Variants in BACH2 observed in about 807,000 individuals in gnomAD.
BACH2 encodes the protein transcription regulator protein BACH2.
Under a neutral mutation model 61.8 loss-of-function variants are expected in BACH2, and 5 were observed. That is an observed-to-expected ratio of 0.08 (90% CI 0.04 to 0.17). The LOEUF (loss-of-function observed/expected upper bound fraction) is 0.17, where lower values mean the gene tolerates loss of function less well. Ranked by LOEUF, BACH2 falls within the 10% of genes least tolerant of loss-of-function variation. The probability of loss-of-function intolerance (pLI) is 1.00; values close to 1 mark genes in which losing one functional copy is unlikely to be tolerated. For missense variants in BACH2, 824 were observed against 1,091.1 expected (o/e 0.76, Z 3.45); for synonymous variants, 446 against 440.1 (o/e 1.01, Z -0.17).
chr6:90,020,507 G>A (rs1258554376), intron 5 of BACH2, among the ~76,000 whole-genome samples: 2 of 152,022 alleles, frequency 1.3e-5, no homozygotes, highest in Non-Finnish European at 2.9e-5. Context: ...GGATTCTGCA[G>A]ACAGTCCTCA....
rs369419131 is a variant in BACH2 at position 89,974,866 on chromosome 6, T to C, written c.244-23004A>G. On this transcript the variant is annotated intron_variant, in intron 6 of 8. Transcript: ENST00000257749. ...ATCATTTTCAAAAAGTAGACACGTATGTATCTTCATGGTAGCTTTTAAAGC... is the reference window on the plus strand; with the variant it reads ...ATCATTTTCAAAAAGTAGACACGTACGTATCTTCATGGTAGCTTTTAAAGC... Among the ~76,000 whole-genome samples the C allele has an allele frequency of 1.1e-4, 16 of 152,324 alleles. 2 individuals are homozygous for C. The highest frequency in any genetic ancestry group is 6.5e-4 in the Admixed American group (10 of 15,300).
chr6:90,062,391 T>C (rs1275834927), intron 5 of BACH2, among the ~76,000 whole-genome samples: 1 of 150,922 alleles, frequency 6.6e-6, no homozygotes, highest in Non-Finnish European at 1.5e-5. Flanking sequence ...TAAAAGTAGG[T>C]GATTAACTCA....
chr6:89,968,209 G>GGA (rs958575050), intron 6 of BACH2, among the ~76,000 whole-genome samples: 5 of 152,360 alleles, frequency 3.3e-5, no homozygotes, highest in African/African-American at 1.2e-4. Flanking sequence ...CCCTGGCAAA[G>GGA]GAGGTGGCAA....
rs182809094 is a variant in BACH2 at position 90,233,924 on chromosome 6, A to G, written c.-275+18589T>C. On this transcript the variant is annotated intron_variant, in intron 3 of 8. Transcript: ENST00000257749. ...TAGCCTTGGGATAGAATTATCCCTC[A>G]CTTCACCCTCACTGTCGGCATGTTC... is the stretch of plus-strand genomic sequence containing the variant. Among the ~76,000 whole-genome samples, 9 of 152,294 alleles carry G rather than the reference A, an allele frequency of 5.9e-5. No individual in the cohort carries two copies. The East Asian group carries it at 1.7e-3, about 29-fold the overall frequency.
intron 4 of BACH2, among the ~76,000 whole-genome samples, chr6:90,151,072 A>G: frequency 6.6e-6 from 1 of 152,194 alleles, no homozygotes; most frequent in Non-Finnish European, 1.5e-5. Flanking sequence ...ACTCTATGGC[A>G]ACAGATGCAT....
chr6:90,072,289 T>C lies in BACH2; in HGVS notation c.-13+16672A>G, dbSNP rs552550186. 2.0e-4 allele frequency among the ~76,000 whole-genome samples: 31 copies of C among 152,272 alleles called. No individual in the cohort carries two copies. In the South Asian group the frequency reaches 6.0e-3, roughly 30 times the overall value. ...CCTCTACTTGAGTGAACTGTTTGAT[T>C]AGGTTAGAAAAGCAAATGGTACCCT... On this transcript the variant is annotated intron_variant, in intron 5 of 8. Transcript: ENST00000257749.
chr6:90,254,404 T>A (rs75853087), intron 2 of BACH2, among the ~76,000 whole-genome samples: 8,133 of 152,102 alleles, frequency 0.053, 416 homozygotes, highest in Non-Finnish European at 0.079. Flanking sequence ...GCTGATTGAT[T>A]GGTTGCTCTA....
At chr6:90,007,405 G>T (rs1054752809) in intron 6 of BACH2, among the ~76,000 whole-genome samples, 1 of 151,852 alleles carries the variant, frequency 6.6e-6, no homozygotes, top group African/African-American at 2.4e-5. Flanking sequence ...GGGCTCAAGG[G>T]ATCCTCCTGT....
chr6:90,222,010 T>C lies in BACH2; in HGVS notation c.-274-15329A>G, dbSNP rs1185488263. 2.0e-5 allele frequency among the ~76,000 whole-genome samples: 3 copies of C among 152,268 alleles called. No individual in the cohort carries two copies. In the South Asian group the frequency reaches 6.2e-4, roughly 32 times the overall value. On this transcript the variant is annotated intron_variant, in intron 3 of 8. Coordinates refer to ENST00000257749, the MANE Select transcript of BACH2 (RefSeq NM_021813.4). ...CTTTTTAATAACCACATTAAACAAATAAAAAGAGAGAAATTTACTTAATAT... is the reference window on the plus strand; with the variant it reads ...CTTTTTAATAACCACATTAAACAAACAAAAAGAGAGAAATTTACTTAATAT...
intron 5 of BACH2, among the ~76,000 whole-genome samples, chr6:90,079,145 G>A (rs954505528): frequency 1.3e-5 from 2 of 152,160 alleles, no homozygotes; most frequent in Non-Finnish European, 2.9e-5. Context: ...AAACGGACAC[G>A]TTATCACTTA....
chr6:90,093,425 T>C (rs1782255143), intron 4 of BACH2, among the ~76,000 whole-genome samples: 1 of 152,144 alleles, frequency 6.6e-6, no homozygotes. Flanking sequence ...ACTAACACTG[T>C]TTAACACAAC....
intron 4 of BACH2, among the ~76,000 whole-genome samples, chr6:90,132,171 GAGTGTAA>G (rs1215166979): frequency 6.6e-6 from 1 of 152,192 alleles, no homozygotes; most frequent in Non-Finnish European, 1.5e-5. Flanking sequence ...CTCATCCAAA[GAGTGTAA>G]ACCACGCTCT....
At chr6:90,195,015 A>G (rs1361176278) in intron 4 of BACH2, among the ~76,000 whole-genome samples, 1 of 152,256 alleles carries the variant, frequency 6.6e-6, no homozygotes, top group African/African-American at 2.4e-5. Flanking sequence ...AAACTACACA[A>G]TGAAATCTAA....
At chr6:89,947,613 A>T (rs537653489) in intron 7 of BACH2, among the ~76,000 whole-genome samples, 72 of 150,910 alleles carry the variant, frequency 4.8e-4, no homozygotes, top group Admixed American at 2.1e-3. Flanking sequence ...TCACCCAGGC[A>T]GGAGTGCAGC....
intron 1 of BACH2, among the ~76,000 whole-genome samples, chr6:90,293,155 C>T (rs1270221281): frequency 6.6e-6 from 1 of 152,222 alleles, no homozygotes; most frequent in Non-Finnish European, 1.5e-5. Flanking sequence ...GCCTATGTAA[C>T]TGCACAGGTC....
chr6:90,176,719 A>C (rs1361686941), intron 4 of BACH2, among the ~76,000 whole-genome samples: 2 of 151,174 alleles, frequency 1.3e-5, no homozygotes, highest in Non-Finnish European at 3.0e-5. Flanking sequence ...TTTTGGTGAC[A>C]GAGTCCAATT....
chr6:90,093,288 C>A (rs1336311270), intron 4 of BACH2, among the ~76,000 whole-genome samples: 1 of 152,146 alleles, frequency 6.6e-6, no homozygotes, highest in Non-Finnish European at 1.5e-5. Flanking sequence ...CCTTGCTTGG[C>A]TAAGTTCCTA....
At chr6:89,953,354 C>T (rs376124531) in intron 6 of BACH2, among the ~76,000 whole-genome samples, 16 of 152,238 alleles carry the variant, frequency 1.1e-4, no homozygotes, top group Admixed American at 5.9e-4. Context: ...TTTCCAGTAA[C>T]GGAAATTTCT....
At chr6:90,269,978 T>G (rs1191721931) in intron 2 of BACH2, among the ~76,000 whole-genome samples, 1 of 152,208 alleles carries the variant, frequency 6.6e-6, no homozygotes, top group Non-Finnish European at 1.5e-5. Context: ...TATGATACAC[T>G]ATATTTGGTT....
Sources: gnomAD v4.1 joint callset for allele counts (sites outside exome capture counted in the v4.1 genomes callset) on GRCh38, gnomAD v4.1.1 for gene constraint, MANE v1.5 for transcripts, NCBI Gene and HGNC (gene_info 2026-07-23, HGNC 2026-07-21) for gene names.